LINGO2: variants seen among roughly 807,000 people sequenced by gnomAD.
The protein encoded by LINGO2 is leucine-rich repeat and immunoglobulin-like domain-containing nogo receptor-interacting protein 2.
In LINGO2, 14 loss-of-function variants were observed where a neutral mutation model predicts 30.6. The ratio of observed to expected loss-of-function variants is 0.46; its 90% CI spans 0.30 to 0.72. LINGO2 has a LOEUF of 0.72. Among genes scored for constraint, LINGO2 ranks in the 30% least tolerant of loss-of-function variants. The pLI is 0.07. For synonymous variants in LINGO2, 317 were observed against 288.5 expected (o/e 1.10, Z -1.00); for missense variants, 729 against 751.7 (o/e 0.97, Z 0.35).
At chr9:28,387,988 T>G (rs1401696628) in intron 2 of LINGO2, among the ~76,000 whole-genome samples, 1 of 152,168 alleles carries the variant, frequency 6.6e-6, no homozygotes, top group Admixed American at 6.5e-5. Flanking sequence ...CCACCAATTC[T>G]GGACACAGCA....
At position 28,176,089 on chromosome 9, in the gene LINGO2, C is replaced by T. The variant is rs116109059; in HGVS notation, c.-87+119119G>A. Among the ~76,000 whole-genome samples the T allele has an allele frequency of 6.5e-3, 988 of 152,272 alleles. 14 individuals are homozygous for T. The highest frequency in any genetic ancestry group is 0.022 in the African/African-American group (905 of 41,566). On this transcript the variant is annotated intron_variant, in intron 4 of 5. Coordinates refer to ENST00000379992, the Ensembl canonical transcript of LINGO2. ...ACTTTCCATAGTATTTAGGATAAAA[C>T]GCTTAAGTATTATGCTCAAAATTAT...
the LINGO2 span, among the ~76,000 whole-genome samples, chr9:29,081,303 G>C: frequency 6.6e-6 from 1 of 151,962 alleles, no homozygotes; most frequent in Non-Finnish European, 1.5e-5. Flanking sequence ...ACGTAATCCA[G>C]CATATAAACA....
At chr9:28,189,601 GAGGAAGGAAGGGAGGGAGGGAGGA>G (rs1819717800) in intron 4 of LINGO2, among the ~76,000 whole-genome samples, 1 of 1,766 alleles carries the variant, frequency 5.7e-4, no homozygotes, top group Non-Finnish European at 1.0e-3. Context: ...GGAAGGAAGG[GAGGAAGGAAGGGAGGGAGGGAGGA>G]AGGGAGGGAG....
At chr9:27,985,288 T>A (rs1821072612) in intron 5 of LINGO2, among the ~76,000 whole-genome samples, 1 of 151,892 alleles carries the variant, frequency 6.6e-6, no homozygotes, top group Non-Finnish European at 1.5e-5. Flanking sequence ...GTGTAATAAT[T>A]TTAGTCAATC....
intron 1 of LINGO2, among the ~76,000 whole-genome samples, chr9:28,571,138 A>G (rs1461665602): frequency 1.3e-5 from 2 of 152,010 alleles, no homozygotes; most frequent in Admixed American, 1.3e-4. Flanking sequence ...AAGCTGAATA[A>G]ATCTAAGGTA....
the LINGO2 span, among the ~76,000 whole-genome samples, chr9:28,848,435 T>C: frequency 2.4e-4 from 30 of 123,812 alleles, no homozygotes; most frequent in South Asian, 7.1e-3. Context: ...ATATACTGTA[T>C]ATAGTATATA....
chr9:28,997,562 G>A, the LINGO2 span, among the ~76,000 whole-genome samples: 1 of 151,902 alleles, frequency 6.6e-6, no homozygotes, highest in East Asian at 2.0e-4. Flanking sequence ...AGTGGCTCAT[G>A]CCTGTAATCC....
At chr9:28,822,607 A>G in the LINGO2 span, among the ~76,000 whole-genome samples, 1 of 152,112 alleles carries the variant, frequency 6.6e-6, no homozygotes, top group Non-Finnish European at 1.5e-5. Flanking sequence ...AAAAATGTGA[A>G]AAGACTAGAC....
the LINGO2 span, among the ~76,000 whole-genome samples, chr9:29,030,131 C>T: frequency 6.6e-6 from 1 of 152,080 alleles, no homozygotes. Flanking sequence ...GAATTGAGTC[C>T]TATTTTAGGA....
chr9:28,512,057 TGG>T (rs143539992), intron 1 of LINGO2, among the ~76,000 whole-genome samples: 34,195 of 151,860 alleles, frequency 0.23, 4,321 homozygotes, highest in African/African-American at 0.33. Flanking sequence ...GTGGAGGCCA[TGG>T]GCATTTGAGC....
At chr9:29,074,999 T>A in the LINGO2 span, among the ~76,000 whole-genome samples, 1 of 152,044 alleles carries the variant, frequency 6.6e-6, no homozygotes, top group Non-Finnish European at 1.5e-5. Flanking sequence ...ACTTTCAAAC[T>A]TCATTATCAT....
chr9:29,131,420 G>T, the LINGO2 span, among the ~76,000 whole-genome samples: 1 of 151,902 alleles, frequency 6.6e-6, no homozygotes, highest in South Asian at 2.1e-4. Flanking sequence ...GTCCAGCTTG[G>T]GCAAAGGACT....
intron 1 of LINGO2, among the ~76,000 whole-genome samples, chr9:28,504,875 A>G (rs1484019068): frequency 1.3e-5 from 2 of 151,866 alleles, no homozygotes; most frequent in East Asian, 3.9e-4. Flanking sequence ...GAAAGGCTTC[A>G]TAGAGGAAGC....
intron 4 of LINGO2, among the ~76,000 whole-genome samples, chr9:28,200,803 T>C (rs1340793093): frequency 1.3e-5 from 2 of 152,196 alleles, no homozygotes; most frequent in Non-Finnish European, 2.9e-5. Flanking sequence ...AGTCCAGTGA[T>C]AAAAATGTTA....
the LINGO2 span, among the ~76,000 whole-genome samples, chr9:29,189,161 C>A: frequency 6.8e-6 from 1 of 146,090 alleles, no homozygotes; most frequent in African/African-American, 2.5e-5. Flanking sequence ...CCCCCACCTC[C>A]CTCCTGGACG....
the LINGO2 span, among the ~76,000 whole-genome samples, chr9:28,937,707 G>T: frequency 0.041 from 6,277 of 152,244 alleles, 200 homozygotes; most frequent in Admixed American, 0.082. Context: ...AGACAGCCTT[G>T]CACCTTTGCA....
the LINGO2 span, among the ~76,000 whole-genome samples, chr9:28,703,968 G>A: frequency 6.6e-6 from 1 of 151,788 alleles, no homozygotes; most frequent in Non-Finnish European, 1.5e-5. Context: ...TTACCTGTTA[G>A]GTAAGTGAAT....
chr9:29,126,789 G>C, the LINGO2 span, among the ~76,000 whole-genome samples: 1 of 152,082 alleles, frequency 6.6e-6, no homozygotes, highest in African/African-American at 2.4e-5. Flanking sequence ...CAGGAGAATA[G>C]GATCTGGAGG....
the LINGO2 span, among the ~76,000 whole-genome samples, chr9:28,993,364 G>C: frequency 2.0e-5 from 3 of 152,108 alleles, no homozygotes; most frequent in Non-Finnish European, 4.4e-5. Flanking sequence ...TGAAATTGTG[G>C]CAATAATCAA....
Sources: allele counts gnomAD v4.1 joint callset (sites outside exome capture counted in the v4.1 genomes callset), GRCh38; gene constraint gnomAD v4.1.1; transcripts MANE v1.5; gene names NCBI Gene and HGNC (gene_info 2026-07-23, HGNC 2026-07-21).